Variants in CADPS observed in about 807,000 individuals in gnomAD.
CADPS encodes the protein calcium dependent secretion activator.
Under a neutral mutation model 167.3 loss-of-function variants are expected in CADPS, and 57 were observed. That is an observed-to-expected ratio of 0.34 (90% CI 0.28 to 0.42). The LOEUF (loss-of-function observed/expected upper bound fraction) is 0.42. Ranked by LOEUF, CADPS falls within the 20% of genes least tolerant of loss-of-function variation. The pLI is 1.00. For missense variants in CADPS, 1,414 were observed against 1,738.1 expected, an observed-to-expected ratio of 0.81 and a Z score of 3.32; for synonymous variants, 676 against 635.3, an observed-to-expected ratio of 1.06 and a Z score of -0.96.
At position 62,399,058 on chromosome 3, in the gene CADPS, C is replaced by T. The variant is rs191823833; in HGVS notation, c.*348G>A. 1 of 175,244 alleles carries T rather than the reference C, an allele frequency of 5.7e-6. No homozygotes were observed. Among genetic ancestry groups the T allele is most frequent in the East Asian group, 1.5e-4 (1 of 6,534 alleles). 10.9% of individuals were successfully genotyped at this position (175,244 alleles called of 1,614,324 possible). A position where few individuals can be genotyped will look rare whatever the true frequency, so the allele number is the denominator to read the frequency against. ...AGTGAATGTACTTGATGTACTTGCC[C>T]TCACATCCATTTACCACCAATGCAT... On this transcript the variant is annotated 3_prime_UTR_variant, in exon 30 of 30. Coordinates refer to ENST00000383710, the MANE Select transcript of CADPS (RefSeq NM_003716.4). The surrounding 1 kb of genome is among the most constrained non-coding windows in gnomAD (Gnocchi z 5.6).
chr3:62,593,406 G>A (rs938690680), intron 6 of CADPS, among the ~76,000 whole-genome samples: 9 of 152,198 alleles, frequency 5.9e-5, no homozygotes, highest in African/African-American at 2.2e-4. Context: ...AGAGCACCAG[G>A]TGCGGCTCAC....
At chr3:62,835,244 T>C (rs1021760605) in intron 1 of CADPS, among the ~76,000 whole-genome samples, 2 of 152,076 alleles carry the variant, frequency 1.3e-5, no homozygotes, top group Non-Finnish European at 2.9e-5. Flanking sequence ...TATCTCAAAA[T>C]AAAAAATAAA....
chr3:62,501,722 C>A (rs2065800257), intron 17 of CADPS, among the ~76,000 whole-genome samples: 1 of 151,978 alleles, frequency 6.6e-6, no homozygotes, highest in Non-Finnish European at 1.5e-5. Flanking sequence ...TAATTCATAC[C>A]AATATTTTTA....
intron 4 of CADPS, among the ~76,000 whole-genome samples, chr3:62,660,785 T>C (rs1039744744): frequency 6.6e-6 from 1 of 152,252 alleles, no homozygotes; most frequent in Admixed American, 6.5e-5. Flanking sequence ...TTATTCTTCA[T>C]GGATTTTTTT....
chr3:62,785,386 C>T lies in CADPS; in HGVS notation c.442-19402G>A, dbSNP rs1484685802. On this transcript the variant is annotated intron_variant, in intron 1 of 29. Transcript: ENST00000383710. ...GAGAGTTTCATTTGTTTGTGCCACA[C>T]TGCAAACATTTTGAAAAGCTGCTTT... 2.0e-5 allele frequency among the ~76,000 whole-genome samples: 3 copies of T among 152,232 alleles called. No individual in the cohort carries two copies. In the South Asian group the frequency reaches 6.2e-4, roughly 31 times the overall value.
At chr3:62,404,544 C>G (rs890225881) in intron 28 of CADPS, 2 of 152,156 alleles carry the variant, frequency 1.3e-5, no homozygotes, top group Non-Finnish European at 2.9e-5. Flanking sequence ...ACAGTCTCAG[C>G]CATGGCGTAC....
chr3:62,418,834 A>C (rs947155060), intron 28 of CADPS, among the ~76,000 whole-genome samples: 5 of 152,080 alleles, frequency 3.3e-5, no homozygotes, highest in African/African-American at 1.2e-4. Flanking sequence ...TCTAACTTAG[A>C]TGTCAAAATT....
At position 62,837,363 on chromosome 3, in the gene CADPS, C is replaced by T. The variant is rs866363996; in HGVS notation, c.441+37226G>A. Among the ~76,000 whole-genome samples, 16 of 152,316 alleles carry T rather than the reference C, an allele frequency of 1.1e-4. No individual in the cohort carries two copies. The Middle Eastern group carries it at 0.02, about 194-fold the overall frequency. ...TTCCCCAACCCGCATGGAGAACACC[C>T]TTTGCTCCCACTGACCTCACAGGAC... On this transcript the variant is annotated intron_variant, in intron 1 of 29. Transcript: ENST00000383710.
intron 1 of CADPS, among the ~76,000 whole-genome samples, chr3:62,807,228 A>G (rs1026911388): frequency 6.6e-6 from 1 of 151,916 alleles, no homozygotes; most frequent in Non-Finnish European, 1.5e-5. Flanking sequence ...TTGGACAAAT[A>G]TCAGTAAGCC....
intron 26 of CADPS, among the ~76,000 whole-genome samples, chr3:62,457,589 G>A (rs145520314): frequency 1.5e-3 from 230 of 152,334 alleles, no homozygotes; most frequent in African/African-American, 5.3e-3. Flanking sequence ...AGTCACAAGA[G>A]TTTTGATTGA....
chr3:62,701,557 C>T (rs754542056), intron 3 of CADPS, among the ~76,000 whole-genome samples: 10 of 144,598 alleles, frequency 6.9e-5, no homozygotes, highest in Non-Finnish European at 1.2e-4. Flanking sequence ...TGCAGTGAGC[C>T]GAGATTGCAC....
intron 11 of CADPS, among the ~76,000 whole-genome samples, chr3:62,542,627 G>A (rs1437787473): frequency 3.9e-5 from 6 of 152,090 alleles, no homozygotes; most frequent in Admixed American, 6.6e-5. Flanking sequence ...TAATTGCTTC[G>A]TGGTCCCTTT....
chr3:62,798,396 C>G (rs1486512800), intron 1 of CADPS, among the ~76,000 whole-genome samples: 2 of 152,112 alleles, frequency 1.3e-5, no homozygotes, highest in Non-Finnish European at 2.9e-5. Context: ...GAACATCAGA[C>G]TCTAAATTAT....
At position 62,547,787 on chromosome 3, in the gene CADPS, G is replaced by A. The variant is rs529663232; in HGVS notation, c.1966+2116C>T. Among the ~76,000 whole-genome samples, 5 of 152,020 alleles carry A rather than the reference G, an allele frequency of 3.3e-5. No homozygotes were observed. In the East Asian group the frequency reaches 9.7e-4, roughly 29 times the overall value. On this transcript the variant is annotated intron_variant, in intron 11 of 29. Transcript: ENST00000383710. ...CCACAGACAGAAATCTAAATCAAGA[G>A]CCCCCATGCATTTCCATGAAGAGAC...
chr3:62,776,882 T>G (rs530976102), intron 1 of CADPS, among the ~76,000 whole-genome samples: 129 of 152,054 alleles, frequency 8.5e-4, no homozygotes, highest in African/African-American at 3.0e-3. Context: ...CATTCCAGGT[T>G]GAGGGTACAA....
intron 3 of CADPS, among the ~76,000 whole-genome samples, chr3:62,750,839 C>G (rs1434927393): frequency 6.6e-6 from 1 of 152,150 alleles, no homozygotes; most frequent in Non-Finnish European, 1.5e-5. Flanking sequence ...TATTGCTGTT[C>G]TATTGGATAA....
chr3:62,712,520 A>G (rs1384619360), intron 3 of CADPS, among the ~76,000 whole-genome samples: 1 of 151,948 alleles, frequency 6.6e-6, no homozygotes, highest in African/African-American at 2.4e-5. Flanking sequence ...CTCATTTTCT[A>G]TTTAGGTTAT....
intron 21 of CADPS, among the ~76,000 whole-genome samples, chr3:62,485,274 C>G (rs1443918561): frequency 6.6e-6 from 1 of 152,004 alleles, no homozygotes; most frequent in Non-Finnish European, 1.5e-5. Flanking sequence ...TAGAACCTCC[C>G]AAACATCTCT....
intron 1 of CADPS, among the ~76,000 whole-genome samples, chr3:62,865,637 A>G (rs750211052): frequency 8.6e-5 from 13 of 151,948 alleles, no homozygotes. Flanking sequence ...AATAAAAGGA[A>G]TAACACAGCA....
Sources: allele counts gnomAD v4.1 joint callset (sites outside exome capture counted in the v4.1 genomes callset), GRCh38; gene constraint gnomAD v4.1.1; non-coding constraint Gnocchi (gnomAD v3.1); transcripts MANE v1.5; gene names NCBI Gene and HGNC (gene_info 2026-07-23, HGNC 2026-07-21).